PLGRKT: variants seen among roughly 807,000 people sequenced by gnomAD.
The protein encoded by PLGRKT is plasminogen receptor (KT).
PLGRKT carries 22 observed loss-of-function variants against 18.5 expected under a neutral mutation model. The observed-to-expected ratio is 1.19, with a 90% CI of 0.85 to 1.70. The LOEUF (loss-of-function observed/expected upper bound fraction) is 1.70. Among genes scored for constraint, PLGRKT ranks in the 40% most tolerant of loss-of-function variants. The pLI, the probability that PLGRKT is intolerant of heterozygous loss-of-function variation, is 0.00. For synonymous variants in PLGRKT, 72 were observed against 52.8 expected (o/e 1.36, Z -1.58); for missense variants, 235 against 174.4 (o/e 1.35, Z -1.96).
chr9:5,369,430 T>C lies in PLGRKT; in HGVS notation c.82-7542A>G, dbSNP rs920166462. 2.0e-5 allele frequency among the ~76,000 whole-genome samples: 3 copies of C among 152,060 alleles called. No homozygotes were observed. The East Asian group carries it at 5.8e-4, about 29-fold the overall frequency. On this transcript the variant is annotated intron_variant, in intron 3 of 5. Transcript: ENST00000223864. ...AGTTAGAACGGTGATCATTAAAAAG[T>C]CAGGAAACAACAGATGGTGGAGAGG...
chr9:5,430,117 G>C (rs943389829), intron 3 of PLGRKT, among the ~76,000 whole-genome samples: 3 of 152,162 alleles, frequency 2.0e-5, no homozygotes, highest in African/African-American at 7.2e-5. Context: ...GAGGACATGG[G>C]GAATTAACAC....
chr9:5,369,667 G>C (rs1380267578), intron 3 of PLGRKT, among the ~76,000 whole-genome samples: 1 of 152,140 alleles, frequency 6.6e-6, no homozygotes, highest in African/African-American at 2.4e-5. Context: ...GTTCACAATA[G>C]CAAAGATTTG....
intron 3 of PLGRKT, among the ~76,000 whole-genome samples, chr9:5,369,002 C>A (rs555514864): frequency 5.9e-5 from 9 of 152,258 alleles, no homozygotes; most frequent in African/African-American, 1.2e-4. Flanking sequence ...GCCATAAAAA[C>A]CCTAGAAGAA....
Position 5,418,971 on chromosome 9 carries a change from C to T in PLGRKT, c.81+12926G>A. The stretch of plus-strand genomic sequence containing the variant: ...TTCTAGCAGAGTCCTGGGACAGCGT[C>T]TCCATGGTGGACCCTGAGCAGGAAG... On this transcript the variant is annotated intron_variant, in intron 3 of 5. Coordinates refer to ENST00000223864, the MANE Select transcript of PLGRKT (RefSeq NM_018465.4). The surrounding 1 kb of genome is among the most constrained non-coding windows in gnomAD (Gnocchi z 4.2). 2.9e-6 allele frequency: 2 copies of T among 696,324 alleles called. No individual in the cohort carries two copies. Among genetic ancestry groups the T allele is most frequent in the South Asian group, 3.5e-5 (2 of 57,254 alleles). The allele number at this position is 696,324 out of a possible 1,614,324, so 43.1% of individuals were successfully genotyped here.
chr9:5,433,594 C>T (rs1302295167), intron 2 of PLGRKT, among the ~76,000 whole-genome samples: 5 of 139,088 alleles, frequency 3.6e-5, no homozygotes, highest in African/African-American at 1.1e-4. Flanking sequence ...AAGTGAGGAG[C>T]GTCTCTGCCT....
rs1484357800 is a variant in PLGRKT, at chr9:5,418,536, C to A, written c.81+13361G>T. 3 of 899,580 alleles carry A rather than the reference C, an allele frequency of 3.3e-6. No homozygotes were observed. Among genetic ancestry groups the A allele is most frequent in the Non-Finnish European group, 5.6e-6 (3 of 538,936 alleles). 55.7% of individuals were successfully genotyped at this position (899,580 alleles called of 1,614,324 possible). On this transcript the variant is annotated intron_variant, in intron 3 of 5. Coordinates refer to ENST00000223864, the MANE Select transcript of PLGRKT (RefSeq NM_018465.4). The surrounding 1 kb of genome is among the most constrained non-coding windows in gnomAD (Gnocchi z 4.2). ...TGTCCTGCTCCTCCTCCGCCACCCC[C>A]TGGGGAGCCCTGCCTTGCAGAGGCT...
rs371175647 is a variant in PLGRKT, at chr9:5,409,561, A to G, written c.81+22336T>C. 3.9e-5 allele frequency among the ~76,000 whole-genome samples: 6 copies of G among 152,312 alleles called. No homozygotes were observed. The East Asian group carries it at 1.2e-3, about 29-fold the overall frequency. On this transcript the variant is annotated intron_variant, in intron 3 of 5. Coordinates refer to ENST00000223864, the MANE Select transcript of PLGRKT (RefSeq NM_018465.4). Reference sequence around the variant, plus strand: ...TTTATATATATACCCAGAGTGGTAGATCCACTGACAGCTCAGACCCTGCTC... The same window carrying G: ...TTTATATATATACCCAGAGTGGTAGGTCCACTGACAGCTCAGACCCTGCTC...
In PLGRKT at chr9:5,361,791, A is replaced by C. The variant is rs1378434828; in HGVS notation, c.179T>G (p.Phe60Cys). 1.2e-6 allele frequency: 2 copies of C among 1,613,254 alleles called. No homozygotes were observed. Among genetic ancestry groups the C allele is most frequent in the South Asian group, 2.2e-5 (2 of 90,770 alleles). ...TAAAGAGATGGCTGCAAGGCCAAAA[A>C]AAGTTCCAAAATATTTGAGGAATTC... is the stretch of plus-strand genomic sequence containing the variant. ...SREFLKYFGT[F>C]FGLAAISLTA... is the part of the protein sequence containing the mutation. The change falls in exon 4 of 6, where the codon TTT (phenylalanine) becomes TGT (cysteine). Residue 60 changes from phenylalanine to cysteine, a missense_variant. Coordinates refer to ENST00000223864, the MANE Select transcript of PLGRKT (RefSeq NM_018465.4).
At chr9:5,428,855 T>C (rs1228441194) in intron 3 of PLGRKT, among the ~76,000 whole-genome samples, 1 of 152,174 alleles carries the variant, frequency 6.6e-6, no homozygotes, top group South Asian at 2.1e-4. Flanking sequence ...TGTAACACCA[T>C]GCCTGGCTAA....
At chr9:5,366,727 G>A (rs531411440) in intron 3 of PLGRKT, among the ~76,000 whole-genome samples, 4 of 152,018 alleles carry the variant, frequency 2.6e-5, no homozygotes, top group Non-Finnish European at 5.9e-5. Flanking sequence ...GCTATTCAAT[G>A]TAGTACTGGA....
chr9:5,361,114 C>T lies in PLGRKT; in HGVS notation c.286G>A (p.Asp96Asn). 1 of 1,606,400 alleles carries T rather than the reference C, an allele frequency of 6.2e-7. No individual in the cohort carries two copies. The highest frequency in any genetic ancestry group is 1.1e-5 in the South Asian group (1 of 90,742). ...PLSFILTYQY[D>N]LGYGTLLERM... ...TCTAAAAGGGTTCCATAGCCCAAGT[C>T]ATACTGGTAGGTGAGGATAAAGCTT... Residue 96 changes from aspartate to asparagine, a missense_variant, in exon 5 of 6, where the codon GAC becomes AAC. Physicochemically the swap from Asp to Asn is conservative, Grantham distance 23. Coordinates refer to ENST00000223864, the MANE Select transcript of PLGRKT (RefSeq NM_018465.4).
intron 3 of PLGRKT, among the ~76,000 whole-genome samples, chr9:5,408,026 C>T (rs1204062046): frequency 6.6e-6 from 1 of 152,030 alleles, no homozygotes; most frequent in Non-Finnish European, 1.5e-5. Context: ...TAACAGAAGC[C>T]CACCAAAGAC....
chr9:5,401,003 T>C (rs1586727223), intron 3 of PLGRKT, among the ~76,000 whole-genome samples: 1 of 151,904 alleles, frequency 6.6e-6, no homozygotes, highest in African/African-American at 2.4e-5. Flanking sequence ...TTAGATAAGA[T>C]CTTAAGATAG....
Position 5,399,495 on chromosome 9 carries a change from G to T in PLGRKT, c.81+32402C>A, listed in dbSNP as rs1385046327. On this transcript the variant is annotated intron_variant, in intron 3 of 5. Transcript: ENST00000223864. ...TGCATTTTTAGATTGTCCGGTCCTTGCAAGTGACAGTTAGTGAATATGAAA... is the reference window on the plus strand; with the variant it reads ...TGCATTTTTAGATTGTCCGGTCCTTTCAAGTGACAGTTAGTGAATATGAAA... 1.3e-5 allele frequency among the ~76,000 whole-genome samples: 2 copies of T among 151,430 alleles called. 1 individual carries two copies. The highest frequency in any genetic ancestry group is 2.9e-5 in the Non-Finnish European group (2 of 67,982).
At chr9:5,438,244 C>A (rs1017354416), upstream of PLGRKT, among the ~76,000 whole-genome samples, 1 of 152,166 alleles carries the variant, frequency 6.6e-6, no homozygotes, top group East Asian at 1.9e-4. Flanking sequence ...CGTCTTTCTC[C>A]CCTGCTGCTC....
At chr9:5,364,739 T>C (rs141736060) in intron 3 of PLGRKT, among the ~76,000 whole-genome samples, 64 of 152,316 alleles carry the variant, frequency 4.2e-4, no homozygotes, top group African/African-American at 1.5e-3. Context: ...AGATTAACAA[T>C]TCTGAAACTG....
At chr9:5,369,957 G>T (rs1817482106) in intron 3 of PLGRKT, among the ~76,000 whole-genome samples, 1 of 152,082 alleles carries the variant, frequency 6.6e-6, no homozygotes, top group Non-Finnish European at 1.5e-5. Flanking sequence ...GGGACTAGGG[G>T]AGGGATAGCG....
intron 1 of PLGRKT, among the ~76,000 whole-genome samples, chr9:5,436,903 G>C (rs908497283): frequency 6.6e-6 from 1 of 152,112 alleles, no homozygotes; most frequent in Non-Finnish European, 1.5e-5. Flanking sequence ...CCTTGCAATA[G>C]GGATAACTTT....
Position 5,361,147 on chromosome 9 carries a change from C to G in PLGRKT, c.253G>C (p.Val85Leu). Residue 85 changes from valine (V) to leucine (L), a missense_variant, in exon 5 of 6, where the codon GTT becomes CTT. Physicochemically the swap from Val to Leu is conservative, Grantham distance 32 (BLOSUM62 1). Transcript: ENST00000223864. ...TAGGTGAGGATAAAGCTTAATGGAA[C>G]AATCGGGACCAGGAAGGCTGGCTTC... ...KKKPAFLVPI[V>L]PLSFILTYQY... 6.2e-7 allele frequency: 1 copy of G among 1,610,842 alleles called. No individual in the cohort carries two copies.
Sources: allele counts gnomAD v4.1 joint callset (sites outside exome capture counted in the v4.1 genomes callset), GRCh38; gene constraint gnomAD v4.1.1; non-coding constraint Gnocchi (gnomAD v3.1); transcripts MANE v1.5; gene names NCBI Gene and HGNC (gene_info 2026-07-23, HGNC 2026-07-21).